Variants in SIK3 observed in about 807,000 individuals in gnomAD.
The protein encoded by SIK3 is SIK family kinase 3.
Under a neutral mutation model 144.2 loss-of-function variants are expected in SIK3, and 28 were observed. The ratio of observed to expected loss-of-function variants is 0.19; its 90% CI spans 0.14 to 0.27. SIK3 has a LOEUF of 0.27. Ranked by LOEUF, SIK3 falls within the 10% of genes least tolerant of loss-of-function variation. The pLI is 1.00. For synonymous variants in SIK3, 686 were observed against 676.3 expected (o/e 1.01, Z -0.22); for missense variants, 1,319 against 1,776.0 (o/e 0.74, Z 4.62).
chr11:116,966,120 A>G (rs1565508173), intron 1 of SIK3, among the ~76,000 whole-genome samples: 1 of 152,186 alleles, frequency 6.6e-6, no homozygotes, highest in African/African-American at 2.4e-5. Context: ...ACCAAAGAAC[A>G]CTGTCTAAGA....
chr11:117,079,630 C>T (rs1190741507), intron 1 of SIK3, among the ~76,000 whole-genome samples: 3 of 151,768 alleles, frequency 2.0e-5, no homozygotes, highest in Admixed American at 2.0e-4. Flanking sequence ...TATCAAAATG[C>T]ATTTCACATG....
At chr11:117,078,763 G>A (rs984217630) in intron 1 of SIK3, among the ~76,000 whole-genome samples, 15 of 151,942 alleles carry the variant, frequency 9.9e-5, no homozygotes, top group Admixed American at 2.6e-4. Context: ...AATTTAACCC[G>A]AAATCTGCAA....
At chr11:116,946,105 T>C (rs1465253822) in intron 3 of SIK3, among the ~76,000 whole-genome samples, 3 of 152,262 alleles carry the variant, frequency 2.0e-5, no homozygotes, top group Non-Finnish European at 4.4e-5. Context: ...AGTTCCTCAT[T>C]GATCTTGCTT....
intron 21 of SIK3, among the ~76,000 whole-genome samples, chr11:116,853,246 C>A (rs1290455938): frequency 1.3e-5 from 2 of 152,170 alleles, no homozygotes; most frequent in African/African-American, 4.8e-5. Flanking sequence ...TCCTTTGTGA[C>A]ACTCTATAAA....
intron 1 of SIK3, among the ~76,000 whole-genome samples, chr11:116,995,140 G>A (rs938038026): frequency 6.6e-5 from 10 of 151,746 alleles, no homozygotes; most frequent in Non-Finnish European, 1.3e-4. Context: ...GATGGCGCAT[G>A]CCCGTAATCC....
intron 1 of SIK3, among the ~76,000 whole-genome samples, chr11:117,084,567 A>G (rs1052712125): frequency 2.6e-5 from 4 of 152,258 alleles, no homozygotes; most frequent in African/African-American, 7.2e-5. Flanking sequence ...CGCCGGGCCC[A>G]GCCTCCCGTT....
chr11:117,084,062 C>T lies in SIK3; in HGVS notation c.273+14081G>A, dbSNP rs531598170. 3.9e-5 allele frequency among the ~76,000 whole-genome samples: 6 copies of T among 152,248 alleles called. No individual in the cohort carries two copies. In the East Asian group the frequency reaches 9.6e-4, roughly 24 times the overall value. On this transcript the variant is annotated intron_variant, in intron 1 of 24. Transcript: ENST00000445177. Reference sequence around the variant, plus strand: ...TAACTTGTCCTCAAATTTCTAACAGCTTTGACTTCTTTATCATTTTAAATT... The same window carrying T: ...TAACTTGTCCTCAAATTTCTAACAGTTTTGACTTCTTTATCATTTTAAATT...
At position 117,023,621 on chromosome 11, in the gene SIK3, AATATATAT is replaced by A. The variant is rs1555131639; in HGVS notation, c.274-66565_274-66558del. ...ACAAACAAACAAACAAAAAAAAAAA[AATATATAT>A]ATATATATATATATATTGCACACTG... On this transcript the variant is annotated intron_variant, in intron 1 of 24. Coordinates refer to ENST00000445177, the MANE Select transcript of SIK3 (RefSeq NM_001366686.3). Among the ~76,000 whole-genome samples the A allele has an allele frequency of 3.0e-4, 29 of 95,422 alleles. 1 individual carries two copies. Among genetic ancestry groups the A allele is most frequent in the African/African-American group, 1.2e-3 (27 of 22,992 alleles). 62.6% of individuals were successfully genotyped at this position (95,422 alleles called of 152,430 possible).
chr11:116,938,081 T>G (rs975080574), intron 3 of SIK3, among the ~76,000 whole-genome samples: 1 of 151,506 alleles, frequency 6.6e-6, no homozygotes, highest in African/African-American at 2.4e-5. Flanking sequence ...GGCGTGTGCC[T>G]GTAGTCCCAG....
At chr11:116,857,619 C>T in intron 21 of SIK3, 191 bp downstream of exon 21, 1 of 855,884 alleles carries the variant, frequency 1.2e-6, no homozygotes, top group Non-Finnish European at 1.7e-6. Flanking sequence ...TATCATGGTC[C>T]TTTGATTTTG....
chr11:117,023,617 A>C (rs375244542), intron 1 of SIK3, among the ~76,000 whole-genome samples: 2,988 of 109,146 alleles, frequency 0.027, 198 homozygotes, highest in African/African-American at 0.13. Context: ...AACAAAAAAA[A>C]AAAAATATAT....
At chr11:116,861,456 A>G in intron 18 of SIK3, 73 bp from the exon 19 acceptor site, 2 of 1,135,328 alleles carry the variant, frequency 1.8e-6, no homozygotes, top group Non-Finnish European at 2.6e-6. Flanking sequence ...TCAGCCATAC[A>G]ACATATATCA....
intron 4 of SIK3, among the ~76,000 whole-genome samples, chr11:116,915,966 C>A (rs1946614788): frequency 1.3e-5 from 2 of 152,172 alleles, no homozygotes; most frequent in African/African-American, 2.4e-5. Context: ...TAGCGCCCTG[C>A]CAGCAGGTAG....
chr11:116,911,306 G>A (rs897209043), intron 4 of SIK3, among the ~76,000 whole-genome samples: 3 of 151,638 alleles, frequency 2.0e-5, no homozygotes, highest in Admixed American at 6.6e-5. Context: ...TCAGGAGTTC[G>A]AGACCAGCCT....
intron 6 of SIK3, among the ~76,000 whole-genome samples, chr11:116,884,078 GGTAC>G (rs1944685287): frequency 6.6e-6 from 1 of 152,022 alleles, no homozygotes; most frequent in Non-Finnish European, 1.5e-5. Context: ...TGTTATTTTG[GGTAC>G]TGCTAGAACA....
intron 1 of SIK3, among the ~76,000 whole-genome samples, chr11:117,041,661 C>T (rs1162910800): frequency 6.6e-6 from 1 of 152,102 alleles, no homozygotes; most frequent in East Asian, 1.9e-4. Flanking sequence ...TTTCCAAGAT[C>T]ACAGACTACT....
intron 6 of SIK3, among the ~76,000 whole-genome samples, chr11:116,886,493 T>A (rs1944826418): frequency 6.6e-6 from 1 of 152,190 alleles, no homozygotes; most frequent in African/African-American, 2.4e-5. Context: ...ACATTCTCCA[T>A]CAGAAGCATT....
intron 1 of SIK3, among the ~76,000 whole-genome samples, chr11:117,081,756 T>C (rs2134019415): frequency 6.6e-6 from 1 of 152,296 alleles, no homozygotes; most frequent in Non-Finnish European, 1.5e-5. Context: ...AACATATAGT[T>C]TCAGAGTTTA....
chr11:116,879,569 G>C (rs895401515), intron 6 of SIK3, among the ~76,000 whole-genome samples: 2 of 151,998 alleles, frequency 1.3e-5, no homozygotes, highest in Admixed American at 6.5e-5. Flanking sequence ...TATACCATTT[G>C]GCAAACACCA....
Sources: allele counts gnomAD v4.1 joint callset (sites outside exome capture counted in the v4.1 genomes callset), GRCh38; gene constraint gnomAD v4.1.1; transcripts MANE v1.5; gene names NCBI Gene and HGNC (gene_info 2026-07-23, HGNC 2026-07-21).